The following GAL3ST2 variants were observed in gnomAD, a reference collection of about 807,000 sequenced individuals.
The protein encoded by GAL3ST2 is galactose-3-O-sulfotransferase 2.
In GAL3ST2, 16 loss-of-function variants were observed where a neutral mutation model predicts 12.9. The observed-to-expected ratio is 1.24, with a 90% CI of 0.84 to 1.88. GAL3ST2 has a LOEUF of 1.88. GAL3ST2 is among the 40% of genes most tolerant of loss of function. The pLI is 0.00. For missense variants in GAL3ST2, 639 were observed against 571.8 expected, an observed-to-expected ratio of 1.12 and a Z score of -1.20; for synonymous variants, 302 against 273.9, an observed-to-expected ratio of 1.10 and a Z score of -1.01.
intron 1 of GAL3ST2, among the ~76,000 whole-genome samples, chr2:241,792,860 C>T (rs1699710393): frequency 6.6e-6 from 1 of 152,194 alleles, no homozygotes; most frequent in Non-Finnish European, 1.5e-5. Context: ...TCAAAGTCTC[C>T]CCTCTGCTCA....
chr2:241,796,223 G>A (rs191069463), intron 1 of GAL3ST2, among the ~76,000 whole-genome samples: 3 of 152,308 alleles, frequency 2.0e-5, no homozygotes, highest in East Asian at 3.9e-4. Context: ...GTCTCTGTAT[G>A]TGTAGCTCTG....
At chr2:241,799,224 C>T in intron 2 of GAL3ST2, 70 bp downstream of exon 2, 1 of 1,361,504 alleles carries the variant, frequency 7.3e-7, no homozygotes, top group Non-Finnish European at 1.0e-6. Context: ...GAGCCTGGGA[C>T]CCCAGCATGA....
Position 241,802,186 on chromosome 2 carries a change from C to A in GAL3ST2, c.375+150C>A. ...GGGTTGGGAGGGCCTGGGCCGCACGCCCTGCTGAGCCAACCCCTGCCCCTC... is the reference window on the plus strand; with the variant it reads ...GGGTTGGGAGGGCCTGGGCCGCACGACCTGCTGAGCCAACCCCTGCCCCTC... On this transcript the variant is annotated intron_variant, in intron 3 of 3. Transcript: ENST00000192314. The surrounding 1 kb of genome is among the most constrained non-coding windows in gnomAD (Gnocchi z 4.8). The A allele has an allele frequency of 9.8e-7, 1 of 1,022,432 alleles. No individual in the cohort carries two copies. The highest frequency in any genetic ancestry group is 1.4e-6 in the Non-Finnish European group (1 of 721,230). The allele number at this position is 1,022,432 out of a possible 1,614,324, so 63.3% of individuals were successfully genotyped here.
intron 1 of GAL3ST2, among the ~76,000 whole-genome samples, chr2:241,797,940 G>A (rs1699793135): frequency 6.6e-6 from 1 of 152,204 alleles, no homozygotes; most frequent in Non-Finnish European, 1.5e-5. Flanking sequence ...GAGTGCAGGT[G>A]TGGTGTCTGG....
rs1272061416 is a variant in GAL3ST2, at chr2:241,801,618, T to C, written c.120-163T>C. On this transcript the variant is annotated intron_variant, in intron 2 of 3. Coordinates refer to ENST00000192314, the MANE Select transcript of GAL3ST2 (RefSeq NM_022134.3). This position sits in a 1 kb window ranked among gnomAD's most constrained non-coding sequence, Gnocchi z 4.4. ...GGGAGGTTGTGGAGTGGGGCAAGGA[T>C]TGGGGCCATGGGTCGGTGCCTACCC... The C allele has an allele frequency of 2.3e-6, 2 of 852,870 alleles. No homozygotes were observed. The highest frequency in any genetic ancestry group is 2.9e-5 in the Admixed American group (1 of 34,964). 52.8% of individuals were successfully genotyped at this position (852,870 alleles called of 1,614,324 possible).
At chr2:241,799,042 C>T in intron 1 of GAL3ST2, 23 bp from the exon 2 acceptor site, 1 of 1,594,692 alleles carries the variant, frequency 6.3e-7, no homozygotes, top group Non-Finnish European at 8.6e-7. Context: ...GGACTGGGCA[C>T]TCATGGCCTG....
Position 241,777,217 on chromosome 2 carries a change from G to A in GAL3ST2, c.29+233G>A, listed in dbSNP as rs1045022133. On this transcript the variant is annotated intron_variant, in intron 1 of 3. Coordinates refer to ENST00000192314, the MANE Select transcript of GAL3ST2 (RefSeq NM_022134.3). ...GGGTGTTTGGGGGTTCTGGGATGTGGGGCCCAGTGAGAAAGCTGCCCCCCA... is the reference window on the plus strand; with the variant it reads ...GGGTGTTTGGGGGTTCTGGGATGTGAGGCCCAGTGAGAAAGCTGCCCCCCA... Among the ~76,000 whole-genome samples, 8 of 152,318 alleles carry A rather than the reference G, an allele frequency of 5.3e-5. No individual in the cohort carries two copies. In the Middle Eastern group the frequency reaches 0.017, roughly 324 times the overall value.
Position 241,793,342 on chromosome 2 carries a change from G to A in GAL3ST2, c.30-5723G>A, listed in dbSNP as rs1699722122. On this transcript the variant is annotated intron_variant, in intron 1 of 3. Transcript: ENST00000192314. This position sits in a 1 kb window ranked among gnomAD's most constrained non-coding sequence, Gnocchi z 4.7. ...CGTGTGTGTGTATGTGTATGTATCT[G>A]TATGTATGTGTGTGTATTGTGTGTG... Among the ~76,000 whole-genome samples, 2 of 151,514 alleles carry A rather than the reference G, an allele frequency of 1.3e-5. No homozygotes were observed. The highest frequency in any genetic ancestry group is 4.8e-5 in the African/African-American group (2 of 41,376).
At chr2:241,786,139 T>TGTGTGTGTGTGTGTGTGTGTG (rs1553615798) in intron 1 of GAL3ST2, among the ~76,000 whole-genome samples, 33 of 145,954 alleles carry the variant, frequency 2.3e-4, no homozygotes, top group East Asian at 2.0e-3. Flanking sequence ...CACACACCTT[T>TGTGTGTGTGTGTGTGTGTGTG]TGTGTGTGTG....
At position 241,801,928 on chromosome 2, in the gene GAL3ST2, C is replaced by T. The variant is rs773561816; in HGVS notation, c.267C>T (p.Arg89=). 2.7e-5 allele frequency: 43 copies of T among 1,612,900 alleles called. No homozygotes were observed. Among genetic ancestry groups the T allele is most frequent in the East Asian group, 2.5e-4 (11 of 44,882 alleles). Residue 89 remains arginine, a synonymous_variant, in exon 3 of 4, where the codon CGC becomes CGT. Transcript: ENST00000192314. The surrounding 1 kb of genome is among the most constrained non-coding windows in gnomAD (Gnocchi z 4.4). The stretch of plus-strand genomic sequence containing the variant: ...CCGTGGCGCTGCCCGCCGGCTCACG[C>T]GTCCACCTGGGCTACCCCTGGCTCT... ...NLSVALPAGS[R]VHLGYPWLFL... is the part of the protein sequence containing the mutation.
At position 241,804,218 on chromosome 2, in the gene GAL3ST2, C is replaced by CTGGGAG; in HGVS notation, c.*52_*53insTGGGAG. 20 of 1,338,304 alleles carry CTGGGAG rather than the reference C, an allele frequency of 1.5e-5. No homozygotes were observed. Among genetic ancestry groups the CTGGGAG allele is most frequent in the Non-Finnish European group, 1.9e-5 (20 of 1,030,502 alleles). 82.9% of individuals were successfully genotyped at this position (1,338,304 alleles called of 1,614,324 possible). ...CTGCGGACACCAGCTCCTCTCTCCG[C>CTGGGAG]CGTCACCGGGGAGGCCGGGGATCCT... On this transcript the variant is annotated 3_prime_UTR_variant, in exon 4 of 4. Coordinates refer to ENST00000192314, the MANE Select transcript of GAL3ST2 (RefSeq NM_022134.3).
At chr2:241,785,066 G>A (rs1028230055) in intron 1 of GAL3ST2, among the ~76,000 whole-genome samples, 7 of 151,972 alleles carry the variant, frequency 4.6e-5, no homozygotes. Context: ...CTGAATCCTG[G>A]GTTTCCAAAA....
At chr2:241,781,362 T>G (rs1699564092) in intron 1 of GAL3ST2, among the ~76,000 whole-genome samples, 1 of 152,088 alleles carries the variant, frequency 6.6e-6, no homozygotes, top group African/African-American at 2.4e-5. Context: ...TCCTGAAAAT[T>G]TTTTCCTCTA....
Position 241,804,178 on chromosome 2 carries a change from C to T in GAL3ST2, c.*12C>T, listed in dbSNP as rs1305187353. ...TCCTGGGGGCGTAGAGGGGCCGGGC[C>T]GGGGACGAGGCCTCCTGCGGACACC... On this transcript the variant is annotated 3_prime_UTR_variant, in exon 4 of 4. Transcript: ENST00000192314. 2.8e-6 allele frequency: 4 copies of T among 1,413,538 alleles called. No homozygotes were observed. Among genetic ancestry groups the T allele is most frequent in the East Asian group, 3.0e-5 (1 of 33,220 alleles). The allele number at this position is 1,413,538 out of a possible 1,614,324, so 87.6% of individuals were successfully genotyped here.
chr2:241,783,468 G>A (rs548196902), intron 1 of GAL3ST2, among the ~76,000 whole-genome samples: 20 of 150,466 alleles, frequency 1.3e-4, no homozygotes, highest in Admixed American at 3.3e-4. Context: ...ATCTTGTTTC[G>A]TACATAAACT....
rs1425592227 is a variant in GAL3ST2, at chr2:241,800,412, G to A, written c.119+1258G>A. Among the ~76,000 whole-genome samples the A allele has an allele frequency of 5.3e-5, 8 of 152,166 alleles. No homozygotes were observed. Among genetic ancestry groups the A allele is most frequent in the Admixed American group, 5.2e-4 (8 of 15,284 alleles). On this transcript the variant is annotated intron_variant, in intron 2 of 3. Coordinates refer to ENST00000192314, the MANE Select transcript of GAL3ST2 (RefSeq NM_022134.3). This position sits in a 1 kb window ranked among gnomAD's most constrained non-coding sequence, Gnocchi z 5.2. ...CGCTGAACGGCTTGGCCAAGTACAC[G>A]TTCAGCAGGTGACGGGAGGAGCTGT...
chr2:241,802,755 C>T lies in GAL3ST2; in HGVS notation c.376-590C>T, dbSNP rs1296683681. Among the ~76,000 whole-genome samples, 6 of 151,972 alleles carry T rather than the reference C, an allele frequency of 3.9e-5. No individual in the cohort carries two copies. Among genetic ancestry groups the T allele is most frequent in the South Asian group, 2.1e-4 (1 of 4,818 alleles). ...TGGAGAAGCAGGCGGTGTAGTTGGG[C>T]GTGACTTTCTGCAAGACTTTACTTT... is the stretch of plus-strand genomic sequence containing the variant. On this transcript the variant is annotated intron_variant, in intron 3 of 3. Transcript: ENST00000192314. This position sits in a 1 kb window ranked among gnomAD's most constrained non-coding sequence, Gnocchi z 4.8.
chr2:241,788,719 T>C (rs1055477203), intron 1 of GAL3ST2, among the ~76,000 whole-genome samples: 1 of 152,028 alleles, frequency 6.6e-6, no homozygotes, highest in Non-Finnish European at 1.5e-5. Flanking sequence ...AAAAGTTAAT[T>C]TAAAAATAGT....
rs143165919 is a variant in GAL3ST2, at chr2:241,803,490, C to T, written c.521C>T (p.Pro174Leu). The T allele has an allele frequency of 4.0e-5, 65 of 1,611,514 alleles. No individual in the cohort carries two copies. Among genetic ancestry groups the T allele is most frequent in the Non-Finnish European group, 5.0e-5 (59 of 1,179,346 alleles). Reference sequence around the variant, plus strand: ...AGCCTGGACGCGTTCCTGGCCTCGCCGCGGACGTTCTACAACGACAGCCGC... The same window carrying T: ...AGCCTGGACGCGTTCCTGGCCTCGCTGCGGACGTTCTACAACGACAGCCGC... Reference protein sequence around the residue: ...APSLDAFLASPRTFYNDSRHL... With the variant: ...APSLDAFLASLRTFYNDSRHL... The change falls in exon 4 of 4, where the codon CCG becomes CTG. Residue 174 changes from proline (P) to leucine (L), a missense_variant. Coordinates refer to ENST00000192314, the MANE Select transcript of GAL3ST2 (RefSeq NM_022134.3).
Sources: gnomAD v4.1 joint callset for allele counts (sites outside exome capture counted in the v4.1 genomes callset) on GRCh38, gnomAD v4.1.1 for gene constraint, Gnocchi (gnomAD v3.1) non-coding constraint, MANE v1.5 for transcripts, NCBI Gene and HGNC (gene_info 2026-07-23, HGNC 2026-07-21) for gene names.